NCALD: variants seen among roughly 807,000 people sequenced by gnomAD.
NCALD encodes the protein neurocalcin delta.
A neutral mutation model predicts 18.6 loss-of-function variants in NCALD; 10 were observed. The ratio of observed to expected loss-of-function variants is 0.54; its 90% confidence interval spans 0.33 to 0.91. The LOEUF (loss-of-function observed/expected upper bound fraction) is 0.91. NCALD is among the 40% of genes least tolerant of loss of function. The probability of loss-of-function intolerance (pLI) is 0.03; values close to 1 mark genes in which losing one functional copy is unlikely to be tolerated. For missense variants in NCALD, 184 were observed against 247.6 expected (o/e 0.74, Z 1.72); for synonymous variants, 88 against 87.4 (o/e 1.01, Z -0.04).
At chr8:102,067,222 T>G (rs1420211512) in intron 1 of NCALD, among the ~76,000 whole-genome samples, 1 of 152,198 alleles carries the variant, frequency 6.6e-6, no homozygotes, top group East Asian at 1.9e-4. Context: ...TTTCTATGTG[T>G]GCTCACTTCT....
intron 2 of NCALD, among the ~76,000 whole-genome samples, chr8:101,992,216 T>A (rs1290381926): frequency 1.3e-5 from 2 of 152,116 alleles, no homozygotes; most frequent in African/African-American, 4.8e-5. Flanking sequence ...GTGGGCTTGT[T>A]TTCATTCTCT....
chr8:101,971,848 C>T (rs1198906169), intron 2 of NCALD, among the ~76,000 whole-genome samples: 5 of 152,280 alleles, frequency 3.3e-5, no homozygotes, highest in Middle Eastern at 3.4e-3. Flanking sequence ...TGGCTGCCCA[C>T]CTAACCCCAG....
intron 4 of NCALD, among the ~76,000 whole-genome samples, chr8:101,797,357 A>G (rs1281813217): frequency 6.6e-6 from 1 of 152,238 alleles, no homozygotes; most frequent in Non-Finnish European, 1.5e-5. Flanking sequence ...AATGCCAAAA[A>G]TCTTAAAAAC....
At chr8:101,748,615 C>T (rs1810524910) in intron 1 of NCALD, among the ~76,000 whole-genome samples, 1 of 152,182 alleles carries the variant, frequency 6.6e-6, no homozygotes, top group Non-Finnish European at 1.5e-5. Context: ...TGAACCAGTG[C>T]TTTACACACA....
chr8:101,817,693 A>T lies in NCALD; in HGVS notation c.-20+69448T>A, dbSNP rs377046947. On this transcript the variant is annotated intron_variant, in intron 4 of 6. Coordinates refer to the NCALD transcript ENST00000311028. ...AACCCTAAAGAGAGGAGTTCAGAGCATCCCATTCACTGCCCAGCAGCCTGA... is the reference window on the plus strand; with the variant it reads ...AACCCTAAAGAGAGGAGTTCAGAGCTTCCCATTCACTGCCCAGCAGCCTGA... Among the ~76,000 whole-genome samples, 6 of 152,162 alleles carry T rather than the reference A, an allele frequency of 3.9e-5. No homozygotes were observed. In the East Asian group the frequency reaches 1.2e-3, roughly 29 times the overall value.
intron 4 of NCALD, among the ~76,000 whole-genome samples, chr8:101,817,440 G>C (rs908301994): frequency 3.9e-5 from 6 of 152,112 alleles, no homozygotes; most frequent in African/African-American, 1.4e-4. Flanking sequence ...TCTTTTGCTT[G>C]TCCGCACAGT....
chr8:101,695,880 C>T (rs969539764), intron 2 of NCALD, among the ~76,000 whole-genome samples: 15 of 152,166 alleles, frequency 9.9e-5, no homozygotes, highest in Admixed American at 3.9e-4. Context: ...AACTGTCCCC[C>T]AGTTGCCCTC....
At chr8:102,001,555 A>G (rs1821467961) in intron 2 of NCALD, among the ~76,000 whole-genome samples, 1 of 152,172 alleles carries the variant, frequency 6.6e-6, no homozygotes, top group African/African-American at 2.4e-5. Context: ...GAGAAGAGCA[A>G]CTCCAAGACA....
Position 101,732,590 on chromosome 8 carries a change from CTTTTTTTTTTTTTTTTTT to C in NCALD, c.-19-12960_-19-12943del, listed in dbSNP as rs576286368. 2.4e-4 allele frequency among the ~76,000 whole-genome samples: 13 copies of C among 53,676 alleles called. 1 individual carries two copies. Among genetic ancestry groups the C allele is most frequent in the Non-Finnish European group, 4.4e-4 (13 of 29,750 alleles). The allele number at this position is 53,676 out of a possible 152,430, so 35.2% of individuals were successfully genotyped here. Reference sequence around the variant, plus strand: ...AATTCAGAGTATTTCTTTTTCTTTGCTTTTTTTTTTTTTTTTTTTTTTTTTTTTTTTGAGACAGGGTCT... The same window carrying C: ...AATTCAGAGTATTTCTTTTTCTTTGCTTTTTTTTTTTTTGAGACAGGGTCT... On this transcript the variant is annotated intron_variant, in intron 1 of 3. Coordinates refer to ENST00000220931, the MANE Select transcript of NCALD (RefSeq NM_032041.3).
chr8:101,826,849 G>A (rs918728579), intron 4 of NCALD, among the ~76,000 whole-genome samples: 1 of 152,134 alleles, frequency 6.6e-6, no homozygotes, highest in African/African-American at 2.4e-5. Flanking sequence ...TCACTGTTGT[G>A]CATAGAGTCA....
At chr8:102,032,168 C>A (rs1035244171) in intron 1 of NCALD, among the ~76,000 whole-genome samples, 13 of 152,052 alleles carry the variant, frequency 8.5e-5, no homozygotes, top group Non-Finnish European at 1.8e-4. Flanking sequence ...AGTCACACTC[C>A]GTCACCAAGT....
At chr8:101,698,429 A>G (rs967955961) in intron 2 of NCALD, among the ~76,000 whole-genome samples, 1 of 152,146 alleles carries the variant, frequency 6.6e-6, no homozygotes, top group African/African-American at 2.4e-5. Context: ...ACCAGAAAAA[A>G]AAATTTAATT....
At chr8:101,872,545 T>C in intron 4 of NCALD, 2 of 655,756 alleles carry the variant, frequency 3.0e-6, no homozygotes. Flanking sequence ...GTTGGGGTCC[T>C]GCATCTTGTT....
intron 2 of NCALD, among the ~76,000 whole-genome samples, chr8:101,714,124 A>G (rs1815948225): frequency 6.6e-6 from 1 of 152,242 alleles, no homozygotes; most frequent in Admixed American, 6.5e-5. Flanking sequence ...TCAACATAGT[A>G]TTGGAAGTTC....
chr8:102,100,717 A>G (rs1047687273), intron 1 of NCALD, among the ~76,000 whole-genome samples: 1 of 152,266 alleles, frequency 6.6e-6, no homozygotes, highest in Admixed American at 6.5e-5. Flanking sequence ...ACATTATTCA[A>G]CCTTAAAGAG....
chr8:101,688,994 C>T lies in NCALD; in HGVS notation c.*315G>A. On this transcript the variant is annotated 3_prime_UTR_variant, in exon 4 of 4. Transcript: ENST00000220931. ...GACTGGATGGGTTTCCCTTCTTTTG[C>T]CCCAACCCCCGAGTCTTACGTTTTA... is the stretch of plus-strand genomic sequence containing the variant. The T allele has an allele frequency of 1.5e-6, 1 of 683,742 alleles. No homozygotes were observed. Among genetic ancestry groups the T allele is most frequent in the Non-Finnish European group, 2.6e-6 (1 of 377,862 alleles). 42.4% of individuals were successfully genotyped at this position (683,742 alleles called of 1,614,324 possible).
intron 1 of NCALD, among the ~76,000 whole-genome samples, chr8:102,085,962 G>A (rs1024881487): frequency 1.3e-5 from 2 of 151,950 alleles, no homozygotes; most frequent in Non-Finnish European, 2.9e-5. Flanking sequence ...TATTTTCTTT[G>A]TCCTTATGAA....
At chr8:102,016,246 C>T (rs1467240288) in intron 2 of NCALD, among the ~76,000 whole-genome samples, 3 of 152,116 alleles carry the variant, frequency 2.0e-5, no homozygotes, top group Non-Finnish European at 2.9e-5. Context: ...CTCTCCCACA[C>T]AAAACACTCC....
intron 2 of NCALD, among the ~76,000 whole-genome samples, chr8:101,994,554 C>T (rs1430909969): frequency 6.6e-6 from 1 of 152,234 alleles, no homozygotes; most frequent in African/African-American, 2.4e-5. Flanking sequence ...GCCACACTAG[C>T]ACAGTGGTTA....
Sources: allele counts gnomAD v4.1 joint callset (sites outside exome capture counted in the v4.1 genomes callset), GRCh38; gene constraint gnomAD v4.1.1; transcripts MANE v1.5; gene names NCBI Gene and HGNC (gene_info 2026-07-23, HGNC 2026-07-21).